The following PIK3R1 variants were observed in gnomAD, a reference collection of about 807,000 sequenced individuals.
The protein encoded by PIK3R1 is phosphatidylinositol 3-kinase regulatory subunit alpha.
Under a neutral mutation model 98.0 loss-of-function variants are expected in PIK3R1, and 29 were observed. That is an observed-to-expected ratio of 0.30 (90% confidence interval 0.22 to 0.40). The LOEUF is 0.40. PIK3R1 is among the 10% of genes least tolerant of loss of function. The pLI, the probability that PIK3R1 is intolerant of heterozygous loss-of-function variation, is 1.00. For missense variants in PIK3R1, 596 were observed against 872.7 expected (o/e 0.68, Z 3.99); for synonymous variants, 282 against 311.8 (o/e 0.90, Z 1.01).
chr5:68,244,616 AACC>A (rs1745013222), intron 2 of PIK3R1, among the ~76,000 whole-genome samples: 1 of 149,848 alleles, frequency 6.7e-6, no homozygotes, highest in Non-Finnish European at 1.5e-5. Flanking sequence ...TTTTAGCTGT[AACC>A]ACATTGTAAT....
intron 2 of PIK3R1, among the ~76,000 whole-genome samples, chr5:68,252,252 A>T (rs1745340274): frequency 6.6e-6 from 1 of 152,112 alleles, no homozygotes; most frequent in Admixed American, 6.5e-5. Flanking sequence ...CTTGCATCTG[A>T]TGACAGGCAA....
intron 1 of PIK3R1, among the ~76,000 whole-genome samples, chr5:68,217,954 C>T (rs1354888580): frequency 6.6e-6 from 1 of 152,120 alleles, no homozygotes; most frequent in Non-Finnish European, 1.5e-5. Context: ...AGTTGCATAA[C>T]AGAACTCTGC....
intron 5 of PIK3R1, 138 bp downstream of exon 5, chr5:68,279,871 A>G (rs1194419828): frequency 2.5e-6 from 2 of 785,376 alleles, no homozygotes; most frequent in South Asian, 1.9e-5. Flanking sequence ...TACCACCTCA[A>G]ATTTCCTCCT....
chr5:68,234,103 A>G (rs1431424117), intron 2 of PIK3R1, among the ~76,000 whole-genome samples: 3 of 152,244 alleles, frequency 2.0e-5, no homozygotes, highest in African/African-American at 7.2e-5. Context: ...TGAAATATAA[A>G]TCTGTGATAT....
chr5:68,266,091 T>C (rs1202956677), intron 2 of PIK3R1, among the ~76,000 whole-genome samples: 1 of 152,206 alleles, frequency 6.6e-6, no homozygotes, highest in Non-Finnish European at 1.5e-5. Flanking sequence ...GGTCCCAGCC[T>C]GGATCCAAAG....
At chr5:68,282,704 G>C (rs560380076) in intron 7 of PIK3R1, among the ~76,000 whole-genome samples, 2 of 152,258 alleles carry the variant, frequency 1.3e-5, no homozygotes, top group East Asian at 3.9e-4. Context: ...TATGTCAAAG[G>C]ACCCTACATT....
In PIK3R1 at chr5:68,273,994, A is replaced by G. The variant is rs1181410011; in HGVS notation, c.483A>G (p.Leu161=). 6.2e-7 allele frequency: 1 copy of G among 1,613,796 alleles called. No individual in the cohort carries two copies. Among genetic ancestry groups the G allele is most frequent in the Admixed American group, 1.7e-5 (1 of 59,998 alleles). Reference sequence around the variant, plus strand: ...AGAGCTCCAGCAACCTGGCAGAATTACGACAGCTTCTTGATTGTGGTGAGT... The same window carrying G: ...AGAGCTCCAGCAACCTGGCAGAATTGCGACAGCTTCTTGATTGTGGTGAGT... ...RTQSSSNLAE[L]RQLLDCDTPS... The change falls in exon 4 of 16, where the codon TTA becomes TTG. Residue 161 remains leucine, a synonymous_variant. Coordinates refer to ENST00000521381, the MANE Select transcript of PIK3R1 (RefSeq NM_181523.3).
chr5:68,276,222 C>A (rs547946065), intron 4 of PIK3R1, among the ~76,000 whole-genome samples: 2 of 152,316 alleles, frequency 1.3e-5, no homozygotes, highest in Middle Eastern at 3.4e-3. Flanking sequence ...ACATTTTAGG[C>A]TGGATAATTC....
At chr5:68,261,253 C>G (rs1382890167) in intron 2 of PIK3R1, among the ~76,000 whole-genome samples, 4 of 152,114 alleles carry the variant, frequency 2.6e-5, no homozygotes, top group Non-Finnish European at 5.9e-5. Context: ...CTCCAAAACA[C>G]AGAATTTAAG....
rs1746789703 is a variant in PIK3R1 at position 68,280,517 on chromosome 5, T to TA, written c.635-8dup. ...ACTCATTTCTCTTTTTTTTTTTTTT[T>TA]AAACTTGTAGAAGTACAAAGCTCCG... On this transcript the variant is annotated splice_polypyrimidine_tract_variant and intron_variant, in intron 5 of 15. Coordinates refer to ENST00000521381, the MANE Select transcript of PIK3R1 (RefSeq NM_181523.3). 2 of 1,506,680 alleles carry TA rather than the reference T, an allele frequency of 1.3e-6. No homozygotes were observed. Among genetic ancestry groups the TA allele is most frequent in the South Asian group, 1.2e-5 (1 of 82,854 alleles). The allele number at this position is 1,506,680 out of a possible 1,614,324, so 93.3% of individuals were successfully genotyped here.
At chr5:68,288,629 A>G in intron 7 of PIK3R1, 1 of 1,583,586 alleles carries the variant, frequency 6.3e-7, no homozygotes. Flanking sequence ...TGCCGGGAAC[A>G]GGCTGGGGGG....
intron 2 of PIK3R1, among the ~76,000 whole-genome samples, chr5:68,268,878 G>C (rs930436910): frequency 6.6e-6 from 1 of 152,152 alleles, no homozygotes; most frequent in African/African-American, 2.4e-5. Context: ...CCCACACACC[G>C]CTGGTGCCCA....
At position 68,301,366 on chromosome 5, in the gene PIK3R1, A is replaced by ATG. The variant is rs1295943886; in HGVS notation, c.*3791_*3792dup. On this transcript the variant is annotated 3_prime_UTR_variant, in exon 16 of 16. Coordinates refer to ENST00000521381, the MANE Select transcript of PIK3R1 (RefSeq NM_181523.3). The stretch of plus-strand genomic sequence containing the variant: ...GCTATATATATATATATATATATAT[A>ATG]TGTGTGTGTGTGTGTGTGTGTGTGT... The ATG allele has an allele frequency of 1.7e-4, 11 of 63,304 alleles. No homozygotes were observed. Among genetic ancestry groups the ATG allele is most frequent in the Non-Finnish European group, 2.7e-4 (10 of 36,748 alleles). The allele number at this position is 63,304 out of a possible 1,614,324, so 3.9% of individuals were successfully genotyped here.
rs950621799 is a variant in PIK3R1 at position 68,301,229 on chromosome 5, T to C, written c.*3628T>C. 3.8e-5 allele frequency: 8 copies of C among 209,826 alleles called. No individual in the cohort carries two copies. In the Admixed American group the frequency reaches 4.7e-4, roughly 12 times the overall value. The allele number at this position is 209,826 out of a possible 1,614,324, so 13.0% of individuals were successfully genotyped here. A position where few individuals can be genotyped will look rare whatever the true frequency, so the allele number is the denominator to read the frequency against. ...CTTATTTTTTAAAAAGCTAGTTCTATAAAATACTGGTATTATGGGTGGGGA... is the reference window on the plus strand; with the variant it reads ...CTTATTTTTTAAAAAGCTAGTTCTACAAAATACTGGTATTATGGGTGGGGA... On this transcript the variant is annotated 3_prime_UTR_variant, in exon 16 of 16. Coordinates refer to ENST00000521381, the MANE Select transcript of PIK3R1 (RefSeq NM_181523.3).
intron 1 of PIK3R1, among the ~76,000 whole-genome samples, chr5:68,218,829 G>A (rs1743993670): frequency 6.6e-6 from 1 of 152,110 alleles, no homozygotes; most frequent in Non-Finnish European, 1.5e-5. Context: ...AGTTATCAAT[G>A]GAAGGAATTA....
At position 68,290,682 on chromosome 5, in the gene PIK3R1, G is replaced by A. The variant is rs115082151; in HGVS notation, c.917-1577G>A. 3.7e-4 allele frequency: 588 copies of A among 1,577,112 alleles called. 4 individuals carry two copies. The African/African-American group carries it at 7.5e-3, about 20-fold the overall frequency. On this transcript the variant is annotated intron_variant, in intron 7 of 15. Transcript: ENST00000521381. ...CCAAGACACCATTACAAAGAAAGCC[G>A]GACTCTTTTCTTATAACTGAGCTCA...
chr5:68,286,644 G>T (rs1251264895), intron 7 of PIK3R1, among the ~76,000 whole-genome samples: 1 of 152,192 alleles, frequency 6.6e-6, no homozygotes, highest in East Asian at 1.9e-4. Context: ...TACATATTGT[G>T]AGAAATTTGT....
intron 2 of PIK3R1, among the ~76,000 whole-genome samples, chr5:68,260,567 G>A (rs1356170937): frequency 1.3e-5 from 2 of 152,206 alleles, no homozygotes; most frequent in Non-Finnish European, 2.9e-5. Context: ...GACAGAGGTT[G>A]TAATATCTGC....
Position 68,298,139 on chromosome 5 carries a change from C to T in PIK3R1, c.*538C>T, listed in dbSNP as rs1029901085. 1.3e-5 allele frequency: 3 copies of T among 230,872 alleles called. No homozygotes were observed. Among genetic ancestry groups the T allele is most frequent in the East Asian group, 6.2e-5 (1 of 16,160 alleles). The allele number at this position is 230,872 out of a possible 1,614,324, so 14.3% of individuals were successfully genotyped here. On this transcript the variant is annotated 3_prime_UTR_variant, in exon 16 of 16. Coordinates refer to ENST00000521381, the MANE Select transcript of PIK3R1 (RefSeq NM_181523.3). Reference sequence around the variant, plus strand: ...ATGAACGATATGTAGCAGAAAGGCACGTCCACTCACAAGGGACGCTTTGGG... The same window carrying T: ...ATGAACGATATGTAGCAGAAAGGCATGTCCACTCACAAGGGACGCTTTGGG...
Sources: gnomAD v4.1 joint callset for allele counts (sites outside exome capture counted in the v4.1 genomes callset) on GRCh38, gnomAD v4.1.1 for gene constraint, MANE v1.5 for transcripts, NCBI Gene and HGNC (gene_info 2026-07-23, HGNC 2026-07-21) for gene names.